TSNARE1: variants seen among roughly 807,000 people sequenced by gnomAD.
TSNARE1 encodes the protein t-SNARE domain containing 1.
Under a neutral mutation model 62.0 loss-of-function variants are expected in TSNARE1, and 49 were observed. That is an observed-to-expected ratio of 0.79 (90% CI 0.63 to 1.00). TSNARE1 has a LOEUF of 1.00. Ranked by LOEUF, TSNARE1 falls within the 50% of genes least tolerant of loss-of-function variation. The probability of loss-of-function intolerance (pLI) is 0.00; values close to 1 mark genes in which losing one functional copy is unlikely to be tolerated. For synonymous variants in TSNARE1, 328 were observed against 294.4 expected (o/e 1.11, Z -1.17); for missense variants, 755 against 700.1 (o/e 1.08, Z -0.88).
intron 9 of TSNARE1, among the ~76,000 whole-genome samples, chr8:142,301,413 GCCC>G (rs1163586460): frequency 4.7e-5 from 5 of 107,440 alleles, no homozygotes; most frequent in African/African-American, 1.9e-4. Flanking sequence ...CGGCCACAGT[GCCC>G]CCCACCTGCC....
At chr8:142,332,099 A>G (rs943051107) in intron 4 of TSNARE1, among the ~76,000 whole-genome samples, 5 of 152,228 alleles carry the variant, frequency 3.3e-5, no homozygotes, top group African/African-American at 1.2e-4. Context: ...GAGTTTCCAT[A>G]CACCGCAGCA....
chr8:142,280,523 G>A (rs185278360), intron 11 of TSNARE1, among the ~76,000 whole-genome samples: 24 of 152,282 alleles, frequency 1.6e-4, no homozygotes, highest in South Asian at 8.3e-4. Context: ...CTGTCCACCC[G>A]GCAGGTGCCC....
intron 12 of TSNARE1, among the ~76,000 whole-genome samples, chr8:142,248,777 C>G (rs776501391): frequency 6.6e-6 from 1 of 152,236 alleles, no homozygotes; most frequent in Non-Finnish European, 1.5e-5. Context: ...GGGGGCTCCA[C>G]GTCTCCCACC....
At chr8:142,280,112 G>A (rs1355782567) in intron 11 of TSNARE1, 8 of 1,146,276 alleles carry the variant, frequency 7.0e-6, no homozygotes, top group East Asian at 1.9e-4. Flanking sequence ...GGTGTGCCCC[G>A]CAGCGCCCCG....
At chr8:142,311,160 GTTTT>G (rs754868075) in intron 9 of TSNARE1, among the ~76,000 whole-genome samples, 5 of 141,040 alleles carry the variant, frequency 3.5e-5, no homozygotes, top group African/African-American at 1.3e-4. Context: ...AAGGGTGGTT[GTTTT>G]TTTTTTTTTA....
At position 142,270,503 on chromosome 8, in the gene TSNARE1, T is replaced by TA. The variant is rs55738623; in HGVS notation, c.1446+4277_1446+4278insT. The TA allele has an allele frequency of 2.3e-5, 21 of 907,916 alleles. No homozygotes were observed. The African/African-American group carries it at 2.6e-4, about 11-fold the overall frequency. 56.2% of individuals were successfully genotyped at this position (907,916 alleles called of 1,614,324 possible). ...AGGCATATATATATATATATATATATTTATGTATTTATAACAGAAAATTGG... is the reference window on the plus strand; with the variant it reads ...AGGCATATATATATATATATATATATATTATGTATTTATAACAGAAAATTGG... On this transcript the variant is annotated intron_variant, in intron 12 of 13. Transcript: ENST00000524325.
chr8:142,266,679 AG>A (rs1586901507), intron 12 of TSNARE1, among the ~76,000 whole-genome samples: 1 of 152,178 alleles, frequency 6.6e-6, no homozygotes, highest in African/African-American at 2.4e-5. Flanking sequence ...TGATGTGCCC[AG>A]GAAGGTATTT....
chr8:142,314,341 G>A lies in TSNARE1; in HGVS notation c.1131+43C>T, dbSNP rs767377013. 1.8e-5 allele frequency: 28 copies of A among 1,585,268 alleles called. No individual in the cohort carries two copies. In the South Asian group the frequency reaches 3.1e-4, roughly 18 times the overall value. On this transcript the variant is annotated intron_variant, in intron 9 of 13. Transcript: ENST00000524325. ...CACAGATGGCAGCGGATTCTGGGCT[G>A]TCCCCTAACAGCCACTGACCATGGT... is the stretch of plus-strand genomic sequence containing the variant.
chr8:142,398,097 G>A (rs1039978692), intron 1 of TSNARE1, among the ~76,000 whole-genome samples: 1 of 151,926 alleles, frequency 6.6e-6, no homozygotes, highest in Non-Finnish European at 1.5e-5. Context: ...TGGGCCTCCC[G>A]CTGCCTGGAG....
chr8:142,260,406 A>G (rs1449333652), intron 12 of TSNARE1, among the ~76,000 whole-genome samples: 1 of 151,862 alleles, frequency 6.6e-6, no homozygotes, highest in Non-Finnish European at 1.5e-5. Flanking sequence ...CTGGCAGCCC[A>G]CTCTCAAGGG....
intron 7 of TSNARE1, among the ~76,000 whole-genome samples, chr8:142,316,049 C>T (rs1334328324): frequency 4.6e-5 from 7 of 152,246 alleles, no homozygotes; most frequent in Non-Finnish European, 7.3e-5. Flanking sequence ...CTCTCAGAAT[C>T]GCAACCCTCC....
intron 12 of TSNARE1, among the ~76,000 whole-genome samples, chr8:142,237,489 C>T (rs931857610): frequency 1.3e-5 from 2 of 152,236 alleles, no homozygotes; most frequent in African/African-American, 2.4e-5. Context: ...CGTGAGTGCA[C>T]AGGCCCTGGC....
In TSNARE1 at chr8:142,217,874, C is replaced by G. The variant is rs80111131; in HGVS notation, c.*12-5561G>C. On this transcript the variant is annotated intron_variant, in intron 13 of 13. Coordinates refer to ENST00000524325, the MANE Select transcript of TSNARE1 (RefSeq NM_145003.5). ...AGCAGGATCAGGGCTCAGTGTGTGGCCAGGATCAGGGCTCAGTGTGTGACC... is the reference window on the plus strand; with the variant it reads ...AGCAGGATCAGGGCTCAGTGTGTGGGCAGGATCAGGGCTCAGTGTGTGACC... Among the ~76,000 whole-genome samples, 65 of 28,134 alleles carry G rather than the reference C, an allele frequency of 2.3e-3. 3 individuals are homozygous for G. The highest frequency in any genetic ancestry group is 0.022 in the Middle Eastern group (1 of 46). The allele number at this position is 28,134 out of a possible 152,430, so 18.5% of individuals were successfully genotyped here.
chr8:142,299,827 T>G (rs1414763771), intron 10 of TSNARE1, among the ~76,000 whole-genome samples: 2 of 152,390 alleles, frequency 1.3e-5, no homozygotes, highest in Admixed American at 6.5e-5. Context: ...TACTCTGTTT[T>G]AGCAACTGTC....
chr8:142,254,990 TG>T (rs911235517), intron 12 of TSNARE1, among the ~76,000 whole-genome samples: 1 of 152,058 alleles, frequency 6.6e-6, no homozygotes, highest in African/African-American at 2.4e-5. Flanking sequence ...CTGGGTGGTT[TG>T]GGGGGATAGA....
At chr8:142,215,037 C>T (rs1815764639) in intron 13 of TSNARE1, among the ~76,000 whole-genome samples, 1 of 152,238 alleles carries the variant, frequency 6.6e-6, no homozygotes, top group Non-Finnish European at 1.5e-5. Context: ...ACACTCTGTC[C>T]ATGCTCCTAG....
intron 12 of TSNARE1, chr8:142,270,423 A>C (rs1819419883): frequency 1.0e-6 from 1 of 985,122 alleles, no homozygotes; most frequent in African/African-American, 1.7e-5. Flanking sequence ...TTTTGCAAGA[A>C]AAATCTACAG....
intron 12 of TSNARE1, 141 bp from the exon 13 acceptor site, chr8:142,229,720 C>A: frequency 1.5e-6 from 1 of 676,100 alleles, no homozygotes; most frequent in Admixed American, 2.2e-5. Flanking sequence ...GAACCTGTGT[C>A]TTTCAAGGGG....
At chr8:142,377,883 T>C (rs75964375) in intron 1 of TSNARE1, among the ~76,000 whole-genome samples, 4,001 of 152,352 alleles carry the variant, frequency 0.026, 57 homozygotes, top group East Asian at 0.069. Context: ...TACTCATTTA[T>C]ATAATATGCA....
Sources: gnomAD v4.1 joint callset for allele counts (sites outside exome capture counted in the v4.1 genomes callset) on GRCh38, gnomAD v4.1.1 for gene constraint, MANE v1.5 for transcripts, NCBI Gene and HGNC (gene_info 2026-07-23, HGNC 2026-07-21) for gene names.